DSC3: variants seen among roughly 807,000 people sequenced by gnomAD.
DSC3 encodes the protein desmocollin-3.
Under a neutral mutation model 89.5 loss-of-function variants are expected in DSC3, and 97 were observed. That is an observed-to-expected ratio of 1.08 (90% CI 0.92 to 1.28). The LOEUF (loss-of-function observed/expected upper bound fraction) is 1.28. Ranked by LOEUF, DSC3 falls within the 50% of genes most tolerant of loss-of-function variation. DSC3 has a pLI of 0.00. For synonymous variants in DSC3, 436 were observed against 384.1 expected, an observed-to-expected ratio of 1.14 and a Z score of -1.58; for missense variants, 1,199 against 1,085.3, an observed-to-expected ratio of 1.10 and a Z score of -1.47.
chr18:31,026,427 G>A (rs574769396), intron 4 of DSC3, among the ~76,000 whole-genome samples: 1 of 152,080 alleles, frequency 6.6e-6, no homozygotes, highest in Non-Finnish European at 1.5e-5. Context: ...TATCCTTAAA[G>A]GTAATACTTG....
At chr18:31,000,243 C>G (rs1227315111) in intron 14 of DSC3, among the ~76,000 whole-genome samples, 2 of 152,112 alleles carry the variant, frequency 1.3e-5, no homozygotes, top group Admixed American at 1.3e-4. Context: ...TTTGACTCTG[C>G]TTTTTACTTT....
chr18:31,021,770 G>A (rs908325428), intron 7 of DSC3, among the ~76,000 whole-genome samples: 1 of 151,990 alleles, frequency 6.6e-6, no homozygotes, highest in Non-Finnish European at 1.5e-5. Flanking sequence ...TTTATAGATA[G>A]GATATAACAC....
At chr18:31,003,093 T>C (rs1477440856) in intron 13 of DSC3, among the ~76,000 whole-genome samples, 1 of 152,206 alleles carries the variant, frequency 6.6e-6, no homozygotes, top group Non-Finnish European at 1.5e-5. Context: ...TGACTGAAAG[T>C]TCTTCCCCCA....
chr18:31,014,698 G>A (rs933735104), intron 9 of DSC3, among the ~76,000 whole-genome samples: 1 of 152,092 alleles, frequency 6.6e-6, no homozygotes, highest in African/African-American at 2.4e-5. Flanking sequence ...GTATGAATTT[G>A]AGAATATAAT....
In DSC3 at chr18:30,994,136, C is replaced by T; in HGVS notation, c.*39G>A. On this transcript the variant is annotated 3_prime_UTR_variant, in exon 16 of 16. Coordinates refer to ENST00000360428, the MANE Select transcript of DSC3 (RefSeq NM_001941.5). Reference sequence around the variant, plus strand: ...TTACAATATTATTTTTGGAAACCTCCAGAATGTCTGACAAAGACCTAATTG... The same window carrying T: ...TTACAATATTATTTTTGGAAACCTCTAGAATGTCTGACAAAGACCTAATTG... The T allele has an allele frequency of 6.3e-7, 1 of 1,592,214 alleles. No individual in the cohort carries two copies. Among genetic ancestry groups the T allele is most frequent in the African/African-American group, 1.3e-5 (1 of 74,544 alleles).
rs571516263 is a variant in DSC3 at position 31,037,266 on chromosome 18, T to A, written c.70-4990A>T. On this transcript the variant is annotated intron_variant, in intron 1 of 15. Transcript: ENST00000360428. ...TAGAAATCATTTAAAAATATTAAGCTTATATCCATGAAACTTGCTTACTTT... is the reference window on the plus strand; with the variant it reads ...TAGAAATCATTTAAAAATATTAAGCATATATCCATGAAACTTGCTTACTTT... 3.9e-5 allele frequency among the ~76,000 whole-genome samples: 6 copies of A among 152,338 alleles called. No individual in the cohort carries two copies. In the South Asian group the frequency reaches 1.2e-3, roughly 32 times the overall value.
chr18:31,002,897 C>T (rs1984714281), intron 13 of DSC3, among the ~76,000 whole-genome samples: 1 of 152,096 alleles, frequency 6.6e-6, no homozygotes, highest in Non-Finnish European at 1.5e-5. Context: ...GACATATATA[C>T]TATCTAATCC....
intron 12 of DSC3, among the ~76,000 whole-genome samples, chr18:31,005,016 T>G (rs1984792038): frequency 6.6e-6 from 1 of 152,178 alleles, no homozygotes; most frequent in African/African-American, 2.4e-5. Flanking sequence ...CCACAGAATT[T>G]CAATGGCAGT....
intron 14 of DSC3, among the ~76,000 whole-genome samples, chr18:30,997,940 T>C (rs1244674916): frequency 6.6e-6 from 1 of 152,084 alleles, no homozygotes; most frequent in Non-Finnish European, 1.5e-5. Flanking sequence ...TGAGAACAGC[T>C]ACCACATAAG....
At chr18:31,037,742 A>C (rs143028384) in intron 1 of DSC3, among the ~76,000 whole-genome samples, 6 of 152,292 alleles carry the variant, frequency 3.9e-5, no homozygotes, top group African/African-American at 1.2e-4. Context: ...TCTACTAAAA[A>C]TACAAAAATT....
intron 2 of DSC3, 74 bp from the exon 3 acceptor site, chr18:31,031,246 A>T (rs1160044696): frequency 1.9e-6 from 2 of 1,071,038 alleles, no homozygotes; most frequent in Non-Finnish European, 2.7e-6. Flanking sequence ...AATTTATATA[A>T]TATTCTTAAA....
At chr18:31,009,567 T>C (rs1358347976) in intron 9 of DSC3, among the ~76,000 whole-genome samples, 1 of 152,176 alleles carries the variant, frequency 6.6e-6, no homozygotes, top group Non-Finnish European at 1.5e-5. Context: ...GAATTATACT[T>C]TGGCATTGTC....
At chr18:31,036,839 C>A (rs888813053) in intron 1 of DSC3, among the ~76,000 whole-genome samples, 3 of 118,354 alleles carry the variant, frequency 2.5e-5, no homozygotes, top group African/African-American at 9.5e-5. Context: ...GTGGCCCAGG[C>A]TGGAGTGCAG....
intron 1 of DSC3, among the ~76,000 whole-genome samples, 197 bp downstream of exon 1, chr18:31,042,395 T>C (rs915866105): frequency 6.6e-6 from 1 of 152,138 alleles, no homozygotes; most frequent in African/African-American, 2.4e-5. Context: ...AAAAGCTCAG[T>C]CCAGAGTCGA....
At chr18:31,018,870 G>T (rs1041624654) in intron 7 of DSC3, 70 bp from the exon 8 acceptor site, 24 of 1,398,276 alleles carry the variant, frequency 1.7e-5, no homozygotes, top group Middle Eastern at 4.4e-4. Context: ...AACCTCAATT[G>T]CACACTCACT....
intron 14 of DSC3, among the ~76,000 whole-genome samples, chr18:31,001,089 G>GTGTATATATATATATATATATA (rs141615987): frequency 0.023 from 2,825 of 124,638 alleles, 69 homozygotes; most frequent in East Asian, 0.054. Flanking sequence ...TTGTGTGTGT[G>GTGTATATATATATATATATATA]TATATATATA....
intron 2 of DSC3, among the ~76,000 whole-genome samples, chr18:31,031,936 T>G (rs1985803885): frequency 6.6e-6 from 1 of 152,198 alleles, no homozygotes; most frequent in Non-Finnish European, 1.5e-5. Context: ...ATGAGTCGTG[T>G]TTTCACTTTA....
At chr18:31,041,970 G>A (rs1986147396) in intron 1 of DSC3, among the ~76,000 whole-genome samples, 1 of 151,638 alleles carries the variant, frequency 6.6e-6, no homozygotes, top group South Asian at 2.1e-4. Context: ...CCACACTTTC[G>A]CGCCCCCGGC....
intron 1 of DSC3, among the ~76,000 whole-genome samples, chr18:31,041,329 C>T (rs1586959): frequency 0.14 from 22,018 of 152,230 alleles, 1,675 homozygotes; most frequent in Admixed American, 0.19. Flanking sequence ...TTTGTAGTCA[C>T]TTCATAAGCT....
Sources: allele counts gnomAD v4.1 joint callset (sites outside exome capture counted in the v4.1 genomes callset), GRCh38; gene constraint gnomAD v4.1.1; transcripts MANE v1.5; gene names NCBI Gene and HGNC (gene_info 2026-07-23, HGNC 2026-07-21).